Variants in TLK1 observed in about 807,000 individuals in gnomAD.
The protein encoded by TLK1 is serine/threonine-protein kinase tousled-like 1.
In TLK1, 24 loss-of-function variants were observed where a neutral mutation model predicts 105.3. The observed-to-expected ratio is 0.23, with a 90% CI of 0.17 to 0.32. TLK1 has a LOEUF of 0.32. Among genes scored for constraint, TLK1 ranks in the 10% least tolerant of loss-of-function variants. The probability of loss-of-function intolerance (pLI) is 1.00; values close to 1 mark genes in which losing one functional copy is unlikely to be tolerated. For missense variants in TLK1, 558 were observed against 910.5 expected (o/e 0.61, Z 4.98); for synonymous variants, 321 against 310.4 (o/e 1.03, Z -0.36).
rs547892158 is a variant in TLK1, at chr2:171,119,965, G to A, written c.140-2108C>T. Among the ~76,000 whole-genome samples, 7 of 152,164 alleles carry A rather than the reference G, an allele frequency of 4.6e-5. No individual in the cohort carries two copies. The East Asian group carries it at 1.4e-3, about 29-fold the overall frequency. The stretch of plus-strand genomic sequence containing the variant: ...GCACAGGCAACTAAAGAAAAAATAG[G>A]GCCAGGTGCAGTGGCTCATGCCTGA... On this transcript the variant is annotated intron_variant, in intron 1 of 20. Coordinates refer to ENST00000431350, the MANE Select transcript of TLK1 (RefSeq NM_012290.5).
At chr2:171,194,614 G>C (rs994102284) in intron 1 of TLK1, among the ~76,000 whole-genome samples, 4 of 151,944 alleles carry the variant, frequency 2.6e-5, no homozygotes, top group Non-Finnish European at 5.9e-5. Flanking sequence ...TCAGGAGATC[G>C]AGACCATCCT....
intron 1 of TLK1, among the ~76,000 whole-genome samples, chr2:171,212,578 C>T (rs887658903): frequency 6.6e-6 from 1 of 152,090 alleles, no homozygotes; most frequent in African/African-American, 2.4e-5. Flanking sequence ...AGTTCCAGCA[C>T]CGGCTCCTTT....
At chr2:171,001,983 T>C (rs1395062419) in intron 18 of TLK1, among the ~76,000 whole-genome samples, 1 of 151,988 alleles carries the variant, frequency 6.6e-6, no homozygotes, top group Non-Finnish European at 1.5e-5. Context: ...GTTTCACCGT[T>C]GGCCAGGATG....
intron 12 of TLK1, among the ~76,000 whole-genome samples, chr2:171,027,932 G>T (rs766849128): frequency 1.3e-5 from 2 of 152,208 alleles, no homozygotes; most frequent in Non-Finnish European, 2.9e-5. Context: ...GGAGGCCAAG[G>T]TGGGTGGATC....
intron 3 of TLK1, among the ~76,000 whole-genome samples, chr2:171,069,729 A>G (rs963143665): frequency 3.3e-5 from 5 of 152,194 alleles, no homozygotes; most frequent in Non-Finnish European, 7.3e-5. Flanking sequence ...TTACAGTGAA[A>G]ATTACCAGAG....
In TLK1 at chr2:170,995,437, G is replaced by A. The variant is rs189442910; in HGVS notation, c.2124+1216C>T. ...CCTGGATTCCAGATCTCTAAAAGGT[G>A]ACTGTGGTGCCTATTAAGAGCCTAA... On this transcript the variant is annotated intron_variant, in intron 20 of 20. Transcript: ENST00000431350. 6.1e-4 allele frequency among the ~76,000 whole-genome samples: 93 copies of A among 152,104 alleles called. 1 individual carries two copies. The East Asian group carries it at 8.9e-3, about 15-fold the overall frequency.
At chr2:171,089,885 T>C (rs1361667999) in intron 2 of TLK1, among the ~76,000 whole-genome samples, 4 of 152,206 alleles carry the variant, frequency 2.6e-5, no homozygotes, top group Non-Finnish European at 5.9e-5. Context: ...TCTAGTAGTA[T>C]AATTCTCCCA....
intron 14 of TLK1, among the ~76,000 whole-genome samples, chr2:171,010,159 A>G (rs1348233270): frequency 6.6e-6 from 1 of 152,224 alleles, no homozygotes; most frequent in Admixed American, 6.5e-5. Context: ...GGGAAGGGTC[A>G]TGGCTGAATT....
At position 171,159,969 on chromosome 2, in the gene TLK1, G is replaced by A. The variant is rs1001922466; in HGVS notation, c.139+321C>T. ...GTGTACTGGCAAATGGAGCAGAAAG[G>A]GGCTCGCGTCTGGGGGGAGGCTTCC... On this transcript the variant is annotated intron_variant, in intron 1 of 20. Transcript: ENST00000431350. The A allele has an allele frequency of 1.1e-5, 3 of 264,482 alleles. No homozygotes were observed. The South Asian group carries it at 4.4e-4, about 39-fold the overall frequency. The allele number at this position is 264,482 out of a possible 1,614,324, so 16.4% of individuals were successfully genotyped here. A position where few individuals can be genotyped will look rare whatever the true frequency, so the allele number is the denominator to read the frequency against.
intron 1 of TLK1, among the ~76,000 whole-genome samples, chr2:171,184,380 C>T (rs893495937): frequency 6.6e-6 from 1 of 152,144 alleles, no homozygotes; most frequent in South Asian, 2.1e-4. Context: ...TGGTGCCTCA[C>T]GCCTGTGATC....
intron 11 of TLK1, among the ~76,000 whole-genome samples, chr2:171,035,670 G>A (rs1400542824): frequency 2.0e-5 from 3 of 152,154 alleles, no homozygotes; most frequent in Admixed American, 1.3e-4. Context: ...AGGGTAGCAG[G>A]TGAAATTAAG....
chr2:171,112,200 T>C (rs1279624670), intron 2 of TLK1, among the ~76,000 whole-genome samples: 1 of 152,196 alleles, frequency 6.6e-6, no homozygotes, highest in African/African-American at 2.4e-5. Flanking sequence ...TCCGCCCACT[T>C]TGGCCTCCCA....
rs746264334 is a variant in TLK1, at chr2:171,160,303, C to T, written c.126G>A (p.Gly42=). Residue 42 remains glycine, a synonymous_variant, in exon 1 of 21, where the codon GGG becomes GGA. Transcript: ENST00000431350. The surrounding 1 kb of genome is among the most constrained non-coding windows in gnomAD (Gnocchi z 4.4). ...RSLLNHTPPS[G]RPREGAMDEL... ...GGCGGTGCTTACCTTCCCTGGGCCTCCCGGATGGCGGCGTGTGATTCAGCA... is the reference window on the plus strand; with the variant it reads ...GGCGGTGCTTACCTTCCCTGGGCCTTCCGGATGGCGGCGTGTGATTCAGCA... 6.9e-6 allele frequency: 11 copies of T among 1,586,134 alleles called. No homozygotes were observed. The highest frequency in any genetic ancestry group is 1.4e-5 in the African/African-American group (1 of 72,150).
chr2:171,031,650 C>T (rs1357315762), intron 11 of TLK1, among the ~76,000 whole-genome samples: 4 of 152,174 alleles, frequency 2.6e-5, no homozygotes, highest in South Asian at 4.1e-4. Flanking sequence ...ATATTTTAAA[C>T]GTTAACAAAT....
At chr2:171,165,633 C>CT (rs913979053), upstream of TLK1, among the ~76,000 whole-genome samples, 3 of 152,198 alleles carry the variant, frequency 2.0e-5, no homozygotes, top group African/African-American at 7.2e-5. Context: ...AGCCCAGAGG[C>CT]TGGGGGCTGT....
chr2:171,108,587 T>G (rs1412097991), intron 2 of TLK1, among the ~76,000 whole-genome samples: 1 of 152,010 alleles, frequency 6.6e-6, no homozygotes, highest in African/African-American at 2.4e-5. Flanking sequence ...ATATGCTGTC[T>G]ACAAGAAATG....
At chr2:171,102,340 T>G (rs925948893) in intron 2 of TLK1, among the ~76,000 whole-genome samples, 3 of 152,212 alleles carry the variant, frequency 2.0e-5, no homozygotes, top group African/African-American at 7.2e-5. Flanking sequence ...TTGCCTTACC[T>G]TAAATATAAT....
chr2:171,089,347 C>T (rs781268584), intron 2 of TLK1, among the ~76,000 whole-genome samples: 2 of 152,132 alleles, frequency 1.3e-5, no homozygotes, highest in Non-Finnish European at 2.9e-5. Context: ...GAAATCTCTG[C>T]CAATCTAAGG....
At chr2:171,002,843 C>G (rs1684447736) in intron 18 of TLK1, among the ~76,000 whole-genome samples, 1 of 151,966 alleles carries the variant, frequency 6.6e-6, no homozygotes, top group Non-Finnish European at 1.5e-5. Flanking sequence ...TGCCATGTTG[C>G]TCAGGCTGAT....
Sources: gnomAD v4.1 joint callset for allele counts (sites outside exome capture counted in the v4.1 genomes callset) on GRCh38, gnomAD v4.1.1 for gene constraint, Gnocchi (gnomAD v3.1) non-coding constraint, MANE v1.5 for transcripts, NCBI Gene and HGNC (gene_info 2026-07-23, HGNC 2026-07-21) for gene names.